RAPGEF6: variants seen among roughly 807,000 people sequenced by gnomAD.
RAPGEF6 encodes the protein Rap guanine nucleotide exchange factor 6.
Under a neutral mutation model 171.4 loss-of-function variants are expected in RAPGEF6, and 56 were observed. The ratio of observed to expected loss-of-function variants is 0.33; its 90% CI spans 0.26 to 0.41. The LOEUF is 0.41. Among genes scored for constraint, RAPGEF6 ranks in the 10% least tolerant of loss-of-function variants. The pLI, the probability that RAPGEF6 is intolerant of heterozygous loss-of-function variation, is 1.00. For missense variants in RAPGEF6, 1,674 were observed against 1,921.4 expected (o/e 0.87, Z 2.41); for synonymous variants, 692 against 650.1 (o/e 1.06, Z -0.98).
intron 4 of RAPGEF6, among the ~76,000 whole-genome samples, chr5:131,574,995 T>C (rs1241984963): frequency 6.6e-6 from 1 of 152,144 alleles, no homozygotes; most frequent in African/African-American, 2.4e-5. Flanking sequence ...ATCTTACAGG[T>C]TGGTTCAGGA....
intron 1 of RAPGEF6, among the ~76,000 whole-genome samples, chr5:131,614,572 C>A (rs937452702): frequency 6.6e-6 from 1 of 152,178 alleles, no homozygotes; most frequent in Non-Finnish European, 1.5e-5. Context: ...AGCAAGGGGG[C>A]AAATCTGCTC....
chr5:131,544,096 C>T (rs1760343038), intron 6 of RAPGEF6, among the ~76,000 whole-genome samples: 1 of 152,022 alleles, frequency 6.6e-6, no homozygotes. Flanking sequence ...TTTCAAAGAA[C>T]ACAAATTATG....
intron 6 of RAPGEF6, among the ~76,000 whole-genome samples, chr5:131,534,653 A>C (rs1759642374): frequency 6.7e-6 from 1 of 149,460 alleles, no homozygotes. Flanking sequence ...CGTGAGTTGG[A>C]ATTCCACTTG....
rs1310701590 is a variant in RAPGEF6 at position 131,464,174 on chromosome 5, C to T, written c.2347G>A (p.Glu783Lys). 2 of 1,613,812 alleles carry T rather than the reference C, an allele frequency of 1.2e-6. No individual in the cohort carries two copies. Among genetic ancestry groups the T allele is most frequent in the African/African-American group, 2.7e-5 (2 of 74,918 alleles). ...AKEVVFHAVH[E>K]FGLTGASDTY... is the part of the protein sequence containing the mutation. ...TCGGATGCACCGGTCAAACCAAATT[C>T]ATGAACAGCATGAAAAACTACTTCT... is the stretch of plus-strand genomic sequence containing the variant. Residue 783 changes from glutamate (E) to lysine (K), a missense_variant, in exon 18 of 28, where the codon GAA becomes AAA. Physicochemically the swap from Glu to Lys is moderately conservative, Grantham distance 56. Around this residue, in one of 3 missense-constraint regions of RAPGEF6, gnomAD observed 1,116 missense variants for 1,321.5 expected, o/e 0.84. Transcript: ENST00000509018.
At chr5:131,520,893 A>G (rs1385550645) in intron 7 of RAPGEF6, among the ~76,000 whole-genome samples, 2 of 152,148 alleles carry the variant, frequency 1.3e-5, no homozygotes, top group African/African-American at 4.8e-5. Context: ...TAGGTTTGAA[A>G]TTGTTCCTCT....
chr5:131,623,731 C>T (rs1416355697), intron 1 of RAPGEF6, among the ~76,000 whole-genome samples: 5 of 151,838 alleles, frequency 3.3e-5, no homozygotes, highest in Non-Finnish European at 4.4e-5. Flanking sequence ...GGGATCTGCC[C>T]GCCTCGGCCT....
At chr5:131,623,600 C>T (rs2150036352) in intron 1 of RAPGEF6, among the ~76,000 whole-genome samples, 1 of 151,656 alleles carries the variant, frequency 6.6e-6, no homozygotes, top group Middle Eastern at 3.4e-3. Flanking sequence ...ACTCTTCTGC[C>T]TCGGCCTCCC....
At chr5:131,629,710 G>A (rs1012276402) in intron 1 of RAPGEF6, among the ~76,000 whole-genome samples, 5 of 147,826 alleles carry the variant, frequency 3.4e-5, no homozygotes, top group African/African-American at 1.3e-4. Context: ...CTGTGATTAC[G>A]CCACTGCACT....
intron 19 of RAPGEF6, among the ~76,000 whole-genome samples, chr5:131,458,683 T>G (rs1753693378): frequency 6.6e-6 from 1 of 152,222 alleles, no homozygotes. Context: ...AGACAGAGTC[T>G]TGCTCTGTCA....
chr5:131,571,124 T>C (rs1054690361), intron 4 of RAPGEF6, among the ~76,000 whole-genome samples: 1 of 152,014 alleles, frequency 6.6e-6, no homozygotes, highest in African/African-American at 2.4e-5. Context: ...GTATTTTTAG[T>C]AGAGCCAGGA....
At chr5:131,439,166 C>T (rs373908598) in intron 24 of RAPGEF6, among the ~76,000 whole-genome samples, 2 of 152,176 alleles carry the variant, frequency 1.3e-5, no homozygotes, top group East Asian at 3.9e-4. Context: ...ATCCACCCGC[C>T]TCAGCTTCCC....
At chr5:131,489,852 T>C (rs766589584) in intron 14 of RAPGEF6, among the ~76,000 whole-genome samples, 198 bp from the exon 15 acceptor site, 3 of 151,986 alleles carry the variant, frequency 2.0e-5, no homozygotes, top group Non-Finnish European at 4.4e-5. Flanking sequence ...TTCTTTACTA[T>C]AAACTTTTTT....
At chr5:131,492,967 T>C (rs1289325652) in intron 13 of RAPGEF6, among the ~76,000 whole-genome samples, 182 bp from the exon 14 acceptor site, 6 of 152,222 alleles carry the variant, frequency 3.9e-5, no homozygotes, top group Non-Finnish European at 8.8e-5. Flanking sequence ...AATATGATTA[T>C]AAGACTTTTA....
At chr5:131,503,537 GGAA>G (rs1339705906) in intron 11 of RAPGEF6, among the ~76,000 whole-genome samples, 1 of 152,128 alleles carries the variant, frequency 6.6e-6, no homozygotes, top group Admixed American at 6.5e-5. Flanking sequence ...TGACTCTAAG[GGAA>G]GAAGAAGTAT....
intron 5 of RAPGEF6, among the ~76,000 whole-genome samples, chr5:131,556,424 G>T (rs547390071): frequency 5.0e-4 from 76 of 151,990 alleles, no homozygotes; most frequent in African/African-American, 1.3e-3. Flanking sequence ...ATAATAAGAA[G>T]AAGAAAAGAC....
chr5:131,595,485 G>C (rs1763842154), intron 3 of RAPGEF6, among the ~76,000 whole-genome samples: 2 of 152,156 alleles, frequency 1.3e-5, no homozygotes, highest in Admixed American at 6.5e-5. Context: ...AGAGACCAAA[G>C]TTAATTTGCT....
intron 7 of RAPGEF6, among the ~76,000 whole-genome samples, chr5:131,517,521 T>C (rs1401259907): frequency 1.1e-5 from 1 of 93,724 alleles, no homozygotes; most frequent in East Asian, 2.6e-4. Context: ...AGGCTTTTCT[T>C]ATGGTGTTAA....
intron 6 of RAPGEF6, among the ~76,000 whole-genome samples, chr5:131,528,393 T>C (rs1759134763): frequency 7.0e-6 from 1 of 142,440 alleles, no homozygotes; most frequent in African/African-American, 2.7e-5. Flanking sequence ...TTATGGAATT[T>C]ACCATTTCCC....
chr5:131,507,904 AACTT>A (rs1337980026), intron 9 of RAPGEF6, among the ~76,000 whole-genome samples, 163 bp downstream of exon 9: 1 of 152,198 alleles, frequency 6.6e-6, no homozygotes, highest in Non-Finnish European at 1.5e-5. Flanking sequence ...CAAAAACAAA[AACTT>A]ACCTCTTCAG....
Sources: allele counts gnomAD v4.1 joint callset (sites outside exome capture counted in the v4.1 genomes callset), GRCh38; gene constraint gnomAD v4.1.1; regional missense constraint gnomAD v4.1.1; transcripts MANE v1.5; gene names NCBI Gene and HGNC (gene_info 2026-07-23, HGNC 2026-07-21).